Variants in HSPA14 observed in about 807,000 individuals in gnomAD.
HSPA14 encodes the protein heat shock protein family A (Hsp70) member 14.
HSPA14 carries 37 observed loss-of-function variants against 65.5 expected under a neutral mutation model. The ratio of observed to expected loss-of-function variants is 0.56; its 90% CI spans 0.43 to 0.74. The LOEUF (loss-of-function observed/expected upper bound fraction) is 0.74. Among genes scored for constraint, HSPA14 ranks in the 30% least tolerant of loss-of-function variants. The pLI is 0.00. For synonymous variants in HSPA14, 203 were observed against 214.2 expected (o/e 0.95, Z 0.46); for missense variants, 564 against 607.6 (o/e 0.93, Z 0.75).
Position 14,871,651 on chromosome 10 carries a change from T to G in HSPA14, c.*45T>G. On this transcript the variant is annotated 3_prime_UTR_variant, in exon 14 of 14. Coordinates refer to ENST00000378372, the MANE Select transcript of HSPA14 (RefSeq NM_016299.4). ...ATTTTTAAAAACAAGAATATCAACA[T>G]TTGGTTTTGTGTATAAGTGGTGTTT... The G allele has an allele frequency of 9.3e-7, 1 of 1,070,282 alleles. No homozygotes were observed. Among genetic ancestry groups the G allele is most frequent in the South Asian group, 1.4e-5 (1 of 73,322 alleles). The allele number at this position is 1,070,282 out of a possible 1,614,324, so 66.3% of individuals were successfully genotyped here.
At chr10:14,849,016 G>A in intron 5 of HSPA14, 121 bp downstream of exon 5, 1 of 590,292 alleles carries the variant, frequency 1.7e-6, no homozygotes, top group Non-Finnish European at 3.0e-6. Context: ...AGATAAGTAA[G>A]GACATATAAA....
At chr10:14,855,774 G>A (rs1317286019) in intron 9 of HSPA14, 67 bp from the exon 10 acceptor site, 1 of 790,266 alleles carries the variant, frequency 1.3e-6, no homozygotes, top group African/African-American at 1.7e-5. Flanking sequence ...TGATTGTACT[G>A]AGCCCCGTTT....
intron 12 of HSPA14, 115 bp from the exon 13 acceptor site, chr10:14,870,482 T>C: frequency 8.2e-7 from 1 of 1,222,678 alleles, no homozygotes; most frequent in Admixed American, 3.4e-5. Flanking sequence ...AACTGCCCTA[T>C]TTTAAAAAGG....
At position 14,867,088 on chromosome 10, in the gene HSPA14, C is replaced by T. The variant is rs780859695; in HGVS notation, c.999C>T (p.Val333=). 6.2e-7 allele frequency: 1 copy of T among 1,610,160 alleles called. No individual in the cohort carries two copies. The highest frequency in any genetic ancestry group is 1.1e-5 in the South Asian group (1 of 90,958). ...AAATTATTTTTATTCTCTAGGTTGTCCTTTGTGGAGGGTCTTCTCGAATCC... is the reference window on the plus strand; with the variant it reads ...AAATTATTTTTATTCTCTAGGTTGTTCTTTGTGGAGGGTCTTCTCGAATCC... ...GFTADDINKV[V]LCGGSSRIPK... is the part of the protein sequence containing the mutation. Residue 333 remains valine, a synonymous_variant, in exon 11 of 14, where the codon GTC becomes GTT. Transcript: ENST00000378372.
At position 14,842,631 on chromosome 10, in the gene HSPA14, C is replaced by T. The variant is rs768076075; in HGVS notation, c.221+2474C>T. On this transcript the variant is annotated intron_variant, in intron 3 of 13. Transcript: ENST00000378372. The surrounding 1 kb of genome is among the most constrained non-coding windows in gnomAD (Gnocchi z 5.2). ...CCAGACAACTTAATGGAGGATGCTGCTTGGGCCAAGCACTGTGATCAGAAC... is the reference window on the plus strand; with the variant it reads ...CCAGACAACTTAATGGAGGATGCTGTTTGGGCCAAGCACTGTGATCAGAAC... 2.0e-6 allele frequency: 3 copies of T among 1,536,192 alleles called. No homozygotes were observed. Among genetic ancestry groups the T allele is most frequent in the Non-Finnish European group, 2.6e-6 (3 of 1,146,936 alleles).
chr10:14,863,454 C>T (rs1157470143), intron 10 of HSPA14, among the ~76,000 whole-genome samples: 1 of 152,112 alleles, frequency 6.6e-6, no homozygotes, highest in Non-Finnish European at 1.5e-5. Flanking sequence ...GGTCCCAAGT[C>T]GTCTCTATGG....
Position 14,839,981 on chromosome 10 carries a change from A to C in HSPA14, c.134A>C (p.Glu45Ala), listed in dbSNP as rs377424149. ...GCTGTTGTTGCTTACTCAGAAAATG[A>C]AGAGGTACTAGTCCCCCCATTTTTG... The part of the protein sequence containing the change: ...TPAVVAYSEN[E>A]EIVGLAAKQS... Residue 45 changes from glutamate to alanine, a missense_variant, in exon 2 of 14, where the codon GAA becomes GCA. Physicochemically the swap from Glu to Ala is moderately radical, Grantham distance 107. Transcript: ENST00000378372. 3 of 1,610,722 alleles carry C rather than the reference A, an allele frequency of 1.9e-6. No individual in the cohort carries two copies. The highest frequency in any genetic ancestry group is 2.5e-6 in the Non-Finnish European group (3 of 1,177,704).
chr10:14,849,065 G>A (rs966241384), intron 5 of HSPA14, among the ~76,000 whole-genome samples, 170 bp downstream of exon 5: 2 of 152,158 alleles, frequency 1.3e-5, no homozygotes, highest in East Asian at 1.9e-4. Context: ...GTATGTGCCC[G>A]TGGTTAAATG....
chr10:14,851,419 G>T, intron 7 of HSPA14, 96 bp downstream of exon 7: 1 of 724,124 alleles, frequency 1.4e-6, no homozygotes, highest in East Asian at 2.7e-5. Context: ...TAATGCAGTG[G>T]TTCCAAACCT....
chr10:14,839,253 G>T (rs1285118799), intron 1 of HSPA14, among the ~76,000 whole-genome samples: 1 of 152,176 alleles, frequency 6.6e-6, no homozygotes, highest in Non-Finnish European at 1.5e-5. Context: ...AAAGCCAAAG[G>T]GAATAATACT....
In HSPA14 at chr10:14,866,362, C is replaced by T. The variant is rs1324418727; in HGVS notation, c.994-721C>T. On this transcript the variant is annotated intron_variant, in intron 10 of 13. Transcript: ENST00000378372. ...GCTTTCATCAGGTGGTCCTCTGCCTCAGTGAGCGGTGAGATCATCCGTAAA... is the reference window on the plus strand; with the variant it reads ...GCTTTCATCAGGTGGTCCTCTGCCTTAGTGAGCGGTGAGATCATCCGTAAA... Among the ~76,000 whole-genome samples, 3 of 152,156 alleles carry T rather than the reference C, an allele frequency of 2.0e-5. No homozygotes were observed. The East Asian group carries it at 5.8e-4, about 29-fold the overall frequency.
chr10:14,855,593 T>G (rs1351637509), intron 9 of HSPA14, among the ~76,000 whole-genome samples: 1 of 152,194 alleles, frequency 6.6e-6, no homozygotes, highest in African/African-American at 2.4e-5. Context: ...TCACTTGAAT[T>G]TGATATTATC....
chr10:14,856,802 T>C (rs1832703850), intron 10 of HSPA14, among the ~76,000 whole-genome samples: 1 of 152,068 alleles, frequency 6.6e-6, no homozygotes, highest in Non-Finnish European at 1.5e-5. Flanking sequence ...AGGGCTGCAG[T>C]GAGCCGTGAT....
intron 3 of HSPA14, chr10:14,844,310 A>AT (rs1234803276): frequency 8.5e-5 from 90 of 1,060,736 alleles, no homozygotes; most frequent in Non-Finnish European, 9.6e-5. Context: ...CACTGTACAC[A>AT]TTTAAGTTAT....
At chr10:14,856,038 A>G (rs1275497749) in intron 10 of HSPA14, 95 bp downstream of exon 10, 2 of 707,878 alleles carry the variant, frequency 2.8e-6, no homozygotes, top group African/African-American at 3.6e-5. Context: ...ATTTTAATGC[A>G]TTTAAGAATT....
chr10:14,849,610 G>C, intron 5 of HSPA14, 111 bp from the exon 6 acceptor site: 3 of 866,230 alleles, frequency 3.5e-6, no homozygotes, highest in Non-Finnish European at 5.7e-6. Context: ...GGGCAAGCAA[G>C]TGTATTGGGA....
At chr10:14,843,509 C>T in intron 3 of HSPA14, 2 of 1,550,664 alleles carry the variant, frequency 1.3e-6, no homozygotes, top group Non-Finnish European at 8.7e-7. Flanking sequence ...AACCGCAGCA[C>T]TCCTGGGGTA....
At chr10:14,858,077 T>C (rs1039469187) in intron 10 of HSPA14, among the ~76,000 whole-genome samples, 3 of 152,152 alleles carry the variant, frequency 2.0e-5, no homozygotes, top group Admixed American at 2.0e-4. Context: ...CTAATAGTTC[T>C]AGACTGGGCA....
chr10:14,857,907 T>G (rs968949675), intron 10 of HSPA14, among the ~76,000 whole-genome samples: 1 of 152,134 alleles, frequency 6.6e-6, no homozygotes, highest in Non-Finnish European at 1.5e-5. Flanking sequence ...TATTTTGTTT[T>G]TTTTTTTAAC....
Sources: allele counts gnomAD v4.1 joint callset (sites outside exome capture counted in the v4.1 genomes callset), GRCh38; gene constraint gnomAD v4.1.1; non-coding constraint Gnocchi (gnomAD v3.1); transcripts MANE v1.5; gene names NCBI Gene and HGNC (gene_info 2026-07-23, HGNC 2026-07-21).